SCHIP1: variants seen among roughly 807,000 people sequenced by gnomAD.
SCHIP1 encodes the protein schwannomin interacting protein 1.
In SCHIP1, 8 loss-of-function variants were observed where a neutral mutation model predicts 29.7. That is an observed-to-expected ratio of 0.27 (90% CI 0.16 to 0.49). SCHIP1 has a LOEUF of 0.49. SCHIP1 is among the 20% of genes least tolerant of loss of function. The pLI is 0.99. For missense variants in SCHIP1, 193 were observed against 294.6 expected, an observed-to-expected ratio of 0.66 and a Z score of 2.52; for synonymous variants, 76 against 94.9, an observed-to-expected ratio of 0.80 and a Z score of 1.16.
At chr3:159,677,726 T>A in the SCHIP1 span, among the ~76,000 whole-genome samples, 1 of 152,194 alleles carries the variant, frequency 6.6e-6, no homozygotes, top group African/African-American at 2.4e-5. Context: ...GGATCCTTTT[T>A]TTCTACTATC....
the SCHIP1 span, among the ~76,000 whole-genome samples, chr3:159,683,186 G>T: frequency 6.6e-6 from 1 of 152,082 alleles, no homozygotes; most frequent in Admixed American, 6.6e-5. Context: ...GAGTAGCTGG[G>T]ATTACAGGCG....
the SCHIP1 span, among the ~76,000 whole-genome samples, chr3:159,573,430 A>G: frequency 3.9e-5 from 6 of 152,138 alleles, no homozygotes; most frequent in Non-Finnish European, 7.4e-5. Flanking sequence ...AATGTTGAAT[A>G]TTGGCCCCCA....
chr3:159,510,411 G>A, the SCHIP1 span, among the ~76,000 whole-genome samples: 2 of 152,104 alleles, frequency 1.3e-5, no homozygotes, highest in Non-Finnish European at 2.9e-5. Flanking sequence ...CCATGGGTTC[G>A]AACTTCCTCC....
chr3:159,724,483 T>C, the SCHIP1 span, among the ~76,000 whole-genome samples: 19 of 152,330 alleles, frequency 1.2e-4, no homozygotes, highest in African/African-American at 4.3e-4. Flanking sequence ...TATATTGATA[T>C]AGATAGTTTT....
chr3:159,447,404 T>C, the SCHIP1 span, among the ~76,000 whole-genome samples: 1 of 151,800 alleles, frequency 6.6e-6, no homozygotes, highest in African/African-American at 2.4e-5. Flanking sequence ...GGAAATAGAG[T>C]GATGGACACT....
the SCHIP1 span, among the ~76,000 whole-genome samples, chr3:159,440,568 G>T: frequency 7.7e-4 from 117 of 151,956 alleles, no homozygotes; most frequent in Non-Finnish European, 2.1e-4. Flanking sequence ...TAGAACTGGG[G>T]TTCACTCTCT....
intron 1 of SCHIP1, among the ~76,000 whole-genome samples, chr3:159,850,960 G>C (rs553445107): frequency 4.6e-5 from 7 of 152,172 alleles, no homozygotes; most frequent in Non-Finnish European, 1.0e-4. Flanking sequence ...AGATTTGTCT[G>C]TGTTGAACTC....
At chr3:159,492,839 G>C in the SCHIP1 span, among the ~76,000 whole-genome samples, 5 of 152,226 alleles carry the variant, frequency 3.3e-5, no homozygotes, top group East Asian at 9.7e-4. Flanking sequence ...AAATGTTAAG[G>C]GCAGCCAGAG....
At chr3:159,406,344 A>G in the SCHIP1 span, among the ~76,000 whole-genome samples, 1 of 152,208 alleles carries the variant, frequency 6.6e-6, no homozygotes, top group Non-Finnish European at 1.5e-5. Flanking sequence ...TGAAACAACA[A>G]CAACAACAAA....
chr3:159,870,316 GT>G (rs1715121355), intron 2 of SCHIP1, among the ~76,000 whole-genome samples: 1 of 151,884 alleles, frequency 6.6e-6, no homozygotes, highest in Non-Finnish European at 1.5e-5. Flanking sequence ...TAAATGAAAT[GT>G]TTCTACTGTT....
the SCHIP1 span, among the ~76,000 whole-genome samples, chr3:159,717,405 G>A: frequency 1.3e-5 from 2 of 151,506 alleles, no homozygotes; most frequent in Non-Finnish European, 3.0e-5. Flanking sequence ...AGGAGATAGA[G>A]ACAAAAACCC....
At chr3:159,835,008 A>C (rs1393694961), upstream of SCHIP1, among the ~76,000 whole-genome samples, 1 of 152,176 alleles carries the variant, frequency 6.6e-6, no homozygotes, top group Non-Finnish European at 1.5e-5. Context: ...AGTTTCCCTG[A>C]TATCCACAGT....
the SCHIP1 span, among the ~76,000 whole-genome samples, chr3:159,592,044 G>A: frequency 6.6e-6 from 1 of 151,288 alleles, no homozygotes; most frequent in Non-Finnish European, 1.5e-5. Context: ...CTTTGGCCCA[G>A]CTTGCTTTTA....
the SCHIP1 span, among the ~76,000 whole-genome samples, chr3:159,637,364 GC>G: frequency 3.5e-5 from 4 of 115,320 alleles, no homozygotes; most frequent in Admixed American, 3.9e-4. Flanking sequence ...AGAAACCCCG[GC>G]CCCAGCCACA....
chr3:159,520,961 C>T, the SCHIP1 span, among the ~76,000 whole-genome samples: 1 of 152,000 alleles, frequency 6.6e-6, no homozygotes, highest in Non-Finnish European at 1.5e-5. Context: ...GATTTTAAAC[C>T]CATGTGATGT....
At chr3:159,320,660 T>C in the SCHIP1 span, among the ~76,000 whole-genome samples, 1 of 152,140 alleles carries the variant, frequency 6.6e-6, no homozygotes, top group Admixed American at 6.6e-5. Context: ...GGTTAAATCC[T>C]GGGCATTCCT....
At chr3:159,612,284 T>C in the SCHIP1 span, among the ~76,000 whole-genome samples, 1 of 152,034 alleles carries the variant, frequency 6.6e-6, no homozygotes, top group Non-Finnish European at 1.5e-5. Flanking sequence ...CTGGTGAAAA[T>C]AATTTTAGTA....
the SCHIP1 span, among the ~76,000 whole-genome samples, chr3:159,503,298 A>C: frequency 6.6e-6 from 1 of 152,216 alleles, no homozygotes. Flanking sequence ...AGTCCAAGAT[A>C]AATGCGACAA....
intron 2 of SCHIP1, among the ~76,000 whole-genome samples, chr3:159,868,478 T>C (rs958604896): frequency 6.6e-6 from 1 of 152,158 alleles, no homozygotes; most frequent in African/African-American, 2.4e-5. Context: ...AGCTATTTAA[T>C]GTTTACATTA....
Sources: gnomAD v4.1 joint callset for allele counts (sites outside exome capture counted in the v4.1 genomes callset) on GRCh38, gnomAD v4.1.1 for gene constraint, MANE v1.5 for transcripts, NCBI Gene and HGNC (gene_info 2026-07-23, HGNC 2026-07-21) for gene names.